Variants in CLDN11 observed in about 807,000 individuals in gnomAD.
CLDN11 encodes the protein claudin-11.
Under a neutral mutation model 18.0 loss-of-function variants are expected in CLDN11, and 1 was observed. That is an observed-to-expected ratio of 0.06 (90% CI 0.02 to 0.26). The LOEUF is 0.26. Ranked by LOEUF, CLDN11 falls within the 10% of genes least tolerant of loss-of-function variation. CLDN11 has a pLI of 1.00. For synonymous variants in CLDN11, 116 were observed against 121.5 expected, an observed-to-expected ratio of 0.96 and a Z score of 0.30; for missense variants, 172 against 276.6, an observed-to-expected ratio of 0.62 and a Z score of 2.68.
In CLDN11 at chr3:170,433,957, A is replaced by G. The variant is rs143257986; in HGVS notation, c.*1201A>G. The G allele has an allele frequency of 6.5e-6, 1 of 152,738 alleles. No individual in the cohort carries two copies. The highest frequency in any genetic ancestry group is 2.4e-5 in the African/African-American group (1 of 41,574). The allele number at this position is 152,738 out of a possible 1,614,324, so 9.5% of individuals were successfully genotyped here. On this transcript the variant is annotated 3_prime_UTR_variant, in exon 3 of 3. Transcript: ENST00000064724. ...ATCTTGAAGTGATGTTGTTTAACAT[A>G]AATTGTACTGTTGAATTTGGCTTTA...
At chr3:170,430,195 A>T (rs1235502348) in intron 2 of CLDN11, among the ~76,000 whole-genome samples, 1 of 152,180 alleles carries the variant, frequency 6.6e-6, no homozygotes, top group Non-Finnish European at 1.5e-5. Context: ...CCAGAAGAGG[A>T]TTTTAGTCCC....
chr3:170,423,462 C>T, intron 2 of CLDN11, 135 bp downstream of exon 2: 1 of 843,968 alleles, frequency 1.2e-6, no homozygotes, highest in Non-Finnish European at 1.9e-6. Context: ...TGGACTCCCA[C>T]AATCTGTATC....
In CLDN11 at chr3:170,419,416, C is replaced by T. The variant is rs1738666268; in HGVS notation, c.226+124C>T. ...ACCTTTGGGTACGTTTTTGACATCC[C>T]TAGTCCCACCTTGTTGTAAAAGAAT... On this transcript the variant is annotated intron_variant, in intron 1 of 2. Transcript: ENST00000064724. This position sits in a 1 kb window ranked among gnomAD's most constrained non-coding sequence, Gnocchi z 8.6. 1 of 640,680 alleles carries T rather than the reference C, an allele frequency of 1.6e-6. No homozygotes were observed. The highest frequency in any genetic ancestry group is 2.7e-6 in the Non-Finnish European group (1 of 372,524). 39.7% of individuals were successfully genotyped at this position (640,680 alleles called of 1,614,324 possible). A position where few individuals can be genotyped will look rare whatever the true frequency, so the allele number is the denominator to read the frequency against.
At position 170,434,146 on chromosome 3, in the gene CLDN11, A is replaced by T. The variant is rs1431272464; in HGVS notation, c.*1390A>T. ...TATCCAGAGGTATCATTATTGATTT[A>T]AAAAAATCTCATTAATCTCTACTGG... On this transcript the variant is annotated 3_prime_UTR_variant, in exon 3 of 3. Transcript: ENST00000064724. 2.0e-5 allele frequency: 3 copies of T among 152,456 alleles called. No homozygotes were observed. The highest frequency in any genetic ancestry group is 4.4e-5 in the Non-Finnish European group (3 of 68,044). The allele number at this position is 152,456 out of a possible 1,614,324, so 9.4% of individuals were successfully genotyped here.
rs578074369 is a variant in CLDN11, at chr3:170,419,303, G to A, written c.226+11G>A. 4 of 1,536,380 alleles carry A rather than the reference G, an allele frequency of 2.6e-6. No individual in the cohort carries two copies. The highest frequency in any genetic ancestry group is 2.4e-5 in the South Asian group (2 of 83,630). On this transcript the variant is annotated intron_variant, in intron 1 of 2. Coordinates refer to ENST00000064724, the MANE Select transcript of CLDN11 (RefSeq NM_005602.6). The surrounding 1 kb of genome is among the most constrained non-coding windows in gnomAD (Gnocchi z 8.6). ...TCCTCATCCTGCCGGGTAAGGACCC[G>A]AGCTTGGCGGCGGCTCCCAAATCCT... is the stretch of plus-strand genomic sequence containing the variant.
At chr3:170,427,926 G>A (rs928897777) in intron 2 of CLDN11, among the ~76,000 whole-genome samples, 9 of 151,590 alleles carry the variant, frequency 5.9e-5, no homozygotes. Flanking sequence ...GAAGGCAGAC[G>A]CGGGCAGATT....
chr3:170,424,742 G>A (rs572023585), intron 2 of CLDN11, among the ~76,000 whole-genome samples: 3 of 152,288 alleles, frequency 2.0e-5, no homozygotes, highest in African/African-American at 4.8e-5. Context: ...AATTTGAGGG[G>A]TAAGGATAAG....
intron 2 of CLDN11, among the ~76,000 whole-genome samples, chr3:170,431,225 A>T (rs910551910): frequency 2.6e-5 from 4 of 152,260 alleles, no homozygotes; most frequent in Non-Finnish European, 4.4e-5. Context: ...TTAGAAAATC[A>T]CTTACTATGA....
In CLDN11 at chr3:170,432,604, C is replaced by T. The variant is rs1314294203; in HGVS notation, c.472C>T (p.Leu158=). 2 of 1,614,184 alleles carry T rather than the reference C, an allele frequency of 1.2e-6. No homozygotes were observed. Among genetic ancestry groups the T allele is most frequent in the South Asian group, 1.1e-5 (1 of 91,070 alleles). Residue 158 remains leucine (L), a synonymous_variant, in exon 3 of 3, where the codon CTG becomes TTG. Transcript: ENST00000064724. ...CACCATCGTGAGCTTTGGCTACTCC[C>T]TGTATGCAGGCTGGATTGGTGCTGT... The part of the protein sequence containing the change: ...ETTIVSFGYS[L]YAGWIGAVLC...
chr3:170,422,231 C>G (rs1405297420), intron 1 of CLDN11, among the ~76,000 whole-genome samples: 1 of 150,346 alleles, frequency 6.7e-6, no homozygotes, highest in African/African-American at 2.4e-5. Flanking sequence ...GAGAAAATCA[C>G]CTAGGACACC....
intron 2 of CLDN11, among the ~76,000 whole-genome samples, chr3:170,429,758 T>C (rs1738950424): frequency 6.6e-6 from 1 of 152,238 alleles, no homozygotes; most frequent in African/African-American, 2.4e-5. Flanking sequence ...GAAATGAATT[T>C]AGAGGCAGTT....
At position 170,434,403 on chromosome 3, in the gene CLDN11, T is replaced by C. The variant is rs1739082909; in HGVS notation, c.*1647T>C. ...TCTCAGCATTATGCAGTTAATGTCC[T>C]TCATCTACTTCTAACACTTAGTAAA... On this transcript the variant is annotated 3_prime_UTR_variant, in exon 3 of 3. Transcript: ENST00000064724. 1.3e-5 allele frequency among the ~76,000 whole-genome samples: 2 copies of C among 152,218 alleles called. No individual in the cohort carries two copies. The highest frequency in any genetic ancestry group is 4.1e-4 in the South Asian group (2 of 4,830).
Position 170,419,233 on chromosome 3 carries a change from G to A in CLDN11, c.167G>A (p.Cys56Tyr). 6.3e-7 allele frequency: 1 copy of A among 1,576,312 alleles called. No homozygotes were observed. The highest frequency in any genetic ancestry group is 8.6e-7 in the Non-Finnish European group (1 of 1,161,278). Residue 56 changes from cysteine to tyrosine, a missense_variant, in exon 1 of 3, where the codon TGC becomes TAC. This residue lies in a region of CLDN11 where 161 missense variants were observed against 240.3 expected (regional missense o/e 0.67). Transcript: ENST00000064724. This position sits in a 1 kb window ranked among gnomAD's most constrained non-coding sequence, Gnocchi z 8.6. ...GGCTCCAAGGGGCTGTGGGCCGACT[G>A]CGTCATGGCCACGGGGCTGTACCAC... ...ELGSKGLWAD[C>Y]VMATGLYHCK...
At position 170,423,144 on chromosome 3, in the gene CLDN11, T is replaced by C. The variant is rs1738762361; in HGVS notation, c.227-19T>C. ...GAACCCTGTGGTCTAACCTTTCCCATCTGCTCTCTTGTTCCCAGGCTACGT... is the reference window on the plus strand; with the variant it reads ...GAACCCTGTGGTCTAACCTTTCCCACCTGCTCTCTTGTTCCCAGGCTACGT... On this transcript the variant is annotated intron_variant, in intron 1 of 2. Transcript: ENST00000064724. 5 of 1,613,994 alleles carry C rather than the reference T, an allele frequency of 3.1e-6. No homozygotes were observed. Among genetic ancestry groups the C allele is most frequent in the Admixed American group, 3.3e-5 (2 of 60,004 alleles).
chr3:170,419,879 A>C lies in CLDN11; in HGVS notation c.226+587A>C, dbSNP rs1173780019. Among the ~76,000 whole-genome samples, 1 of 152,204 alleles carries C rather than the reference A, an allele frequency of 6.6e-6. No homozygotes were observed. The highest frequency in any genetic ancestry group is 1.5e-5 in the Non-Finnish European group (1 of 68,028). On this transcript the variant is annotated intron_variant, in intron 1 of 2. Coordinates refer to ENST00000064724, the MANE Select transcript of CLDN11 (RefSeq NM_005602.6). The surrounding 1 kb of genome is among the most constrained non-coding windows in gnomAD (Gnocchi z 8.6). ...CTCTCTGGGCTGCCTGGTTTGGGAA[A>C]TGTCACGTTGATTCCCGCACGTGCC...
intron 2 of CLDN11, among the ~76,000 whole-genome samples, chr3:170,428,937 A>C (rs115838232): frequency 0.02 from 3,058 of 152,316 alleles, 51 homozygotes; most frequent in Non-Finnish European, 0.031. Context: ...AATAACAGAG[A>C]GAACCATTCC....
In CLDN11 at chr3:170,419,863, C is replaced by T. The variant is rs902159779; in HGVS notation, c.226+571C>T. On this transcript the variant is annotated intron_variant, in intron 1 of 2. Coordinates refer to ENST00000064724, the MANE Select transcript of CLDN11 (RefSeq NM_005602.6). The surrounding 1 kb of genome is among the most constrained non-coding windows in gnomAD (Gnocchi z 8.6). Reference sequence around the variant, plus strand: ...CAATTCACGTCCAGGGCTCTCTGGGCTGCCTGGTTTGGGAAATGTCACGTT... The same window carrying T: ...CAATTCACGTCCAGGGCTCTCTGGGTTGCCTGGTTTGGGAAATGTCACGTT... 6.6e-6 allele frequency among the ~76,000 whole-genome samples: 1 copy of T among 152,260 alleles called. No individual in the cohort carries two copies. Among genetic ancestry groups the T allele is most frequent in the Non-Finnish European group, 1.5e-5 (1 of 68,052 alleles).
At chr3:170,423,371 G>T (rs747820181) in intron 2 of CLDN11, 44 bp downstream of exon 2, 1 of 1,597,406 alleles carries the variant, frequency 6.3e-7, no homozygotes, top group South Asian at 1.1e-5. Context: ...GAGGGAGCCT[G>T]ATGAATCTCA....
chr3:170,432,182 A>G (rs980938653), intron 2 of CLDN11, among the ~76,000 whole-genome samples: 5 of 152,260 alleles, frequency 3.3e-5, no homozygotes, highest in Admixed American at 1.3e-4. Flanking sequence ...CAATTAAGTA[A>G]GAATACTAAT....
Sources: allele counts gnomAD v4.1 joint callset (sites outside exome capture counted in the v4.1 genomes callset), GRCh38; gene constraint gnomAD v4.1.1; regional missense constraint gnomAD v4.1.1; non-coding constraint Gnocchi (gnomAD v3.1); transcripts MANE v1.5; gene names NCBI Gene and HGNC (gene_info 2026-07-23, HGNC 2026-07-21).